The following PSMD1 variants were observed in gnomAD, a reference collection of about 807,000 sequenced individuals.
The protein encoded by PSMD1 is 26S proteasome non-ATPase regulatory subunit 1.
Under a neutral mutation model 119.0 loss-of-function variants are expected in PSMD1, and 18 were observed. The observed-to-expected ratio is 0.15, with a 90% CI of 0.10 to 0.22. PSMD1 has a LOEUF of 0.22. Among genes scored for constraint, PSMD1 ranks in the 10% least tolerant of loss-of-function variants. The probability of loss-of-function intolerance (pLI) is 1.00; values close to 1 mark genes in which losing one functional copy is unlikely to be tolerated. For missense variants in PSMD1, 702 were observed against 1,158.5 expected, an observed-to-expected ratio of 0.61 and a Z score of 5.72; for synonymous variants, 374 against 396.6, an observed-to-expected ratio of 0.94 and a Z score of 0.68.
At chr2:231,110,929 C>T (rs1053615387) in intron 16 of PSMD1, among the ~76,000 whole-genome samples, 6 of 152,230 alleles carry the variant, frequency 3.9e-5, no homozygotes, top group African/African-American at 1.4e-4. Context: ...TTGCTGACCC[C>T]TGCTTTACCC....
chr2:231,111,261 C>A (rs1293201788), intron 16 of PSMD1, among the ~76,000 whole-genome samples: 1 of 152,196 alleles, frequency 6.6e-6, no homozygotes, highest in Non-Finnish European at 1.5e-5. Flanking sequence ...AGATTATGAA[C>A]TCTAATACTT....
intron 18 of PSMD1, among the ~76,000 whole-genome samples, chr2:231,149,219 A>G (rs1696317624): frequency 6.6e-6 from 1 of 152,218 alleles, no homozygotes; most frequent in East Asian, 1.9e-4. Context: ...ATGCTCACAA[A>G]CATAAACCCA....
chr2:231,138,429 C>A (rs1308520154), intron 16 of PSMD1, among the ~76,000 whole-genome samples: 1 of 152,114 alleles, frequency 6.6e-6, no homozygotes. Context: ...CAGTGTGCTA[C>A]CCCCAACATG....
chr2:231,097,681 A>G (rs1201546147), intron 16 of PSMD1, among the ~76,000 whole-genome samples: 2 of 152,048 alleles, frequency 1.3e-5, no homozygotes, highest in African/African-American at 4.8e-5. Flanking sequence ...TCCTGCAGCT[A>G]TTTGATTTTG....
At position 231,056,897 on chromosome 2, in the gene PSMD1, G is replaced by A; in HGVS notation, c.-129G>A. ...GGCGAGAAGCGAGCCGGCGGCCTGA[G>A]GAGGCGACTGACTGAGCAGCGCACC... On this transcript the variant is annotated 5_prime_UTR_variant, in exon 1 of 25. Coordinates refer to ENST00000308696, the MANE Select transcript of PSMD1 (RefSeq NM_002807.4). The A allele has an allele frequency of 7.8e-7, 1 of 1,289,972 alleles. No individual in the cohort carries two copies. 79.9% of individuals were successfully genotyped at this position (1,289,972 alleles called of 1,614,324 possible). A position where few individuals can be genotyped will look rare whatever the true frequency, so the allele number is the denominator to read the frequency against.
chr2:231,147,150 C>A (rs1001426470), intron 18 of PSMD1, among the ~76,000 whole-genome samples: 2 of 152,202 alleles, frequency 1.3e-5, no homozygotes, highest in African/African-American at 4.8e-5. Flanking sequence ...CCACAATCCA[C>A]ACCCACCTTG....
intron 16 of PSMD1, among the ~76,000 whole-genome samples, chr2:231,124,482 A>G (rs1342727333): frequency 1.3e-5 from 2 of 152,024 alleles, no homozygotes; most frequent in Non-Finnish European, 2.9e-5. Context: ...GTCTAAATAA[A>G]TGTTTTACCA....
At chr2:231,121,885 A>C (rs906195480) in intron 16 of PSMD1, among the ~76,000 whole-genome samples, 5 of 152,186 alleles carry the variant, frequency 3.3e-5, no homozygotes. Flanking sequence ...CTGTGTGCCT[A>C]GCAAAGCACA....
intron 10 of PSMD1, 35 bp downstream of exon 10, chr2:231,078,782 A>T (rs1478599193): frequency 7.7e-7 from 1 of 1,297,204 alleles, no homozygotes; most frequent in African/African-American, 1.6e-5. Flanking sequence ...TTTGGTTCAA[A>T]ATCTTTTTCT....
chr2:231,065,928 C>T (rs1222231787), intron 4 of PSMD1, among the ~76,000 whole-genome samples: 1 of 152,194 alleles, frequency 6.6e-6, no homozygotes, highest in Non-Finnish European at 1.5e-5. Flanking sequence ...GCATAGACAA[C>T]AGATGTCCCA....
At chr2:231,081,875 G>A (rs142716094) in intron 12 of PSMD1, among the ~76,000 whole-genome samples, 2 of 152,132 alleles carry the variant, frequency 1.3e-5, no homozygotes, top group East Asian at 1.9e-4. Context: ...CTCTCACTCT[G>A]TACTGCCTCC....
chr2:231,078,563 T>A (rs1265937408), intron 9 of PSMD1, 96 bp from the exon 10 acceptor site: 1 of 776,456 alleles, frequency 1.3e-6, no homozygotes, highest in Non-Finnish European at 1.9e-6. Context: ...TTGTTCATGC[T>A]TTTACCACAA....
chr2:231,135,847 A>G (rs1432626746), intron 16 of PSMD1, among the ~76,000 whole-genome samples: 1 of 152,200 alleles, frequency 6.6e-6, no homozygotes, highest in Non-Finnish European at 1.5e-5. Context: ...CATACAAGGA[A>G]GTTTAGGCAA....
chr2:231,092,387 A>T (rs1574722358), intron 16 of PSMD1, among the ~76,000 whole-genome samples: 1 of 152,290 alleles, frequency 6.6e-6, no homozygotes, highest in East Asian at 1.9e-4. Context: ...TAAGGAAAAC[A>T]TATGGATGGG....
intron 23 of PSMD1, among the ~76,000 whole-genome samples, chr2:231,167,328 C>T (rs1171680627): frequency 6.6e-6 from 1 of 152,156 alleles, no homozygotes; most frequent in Non-Finnish European, 1.5e-5. Context: ...CTAGAGCATA[C>T]TCTAAGCACG....
chr2:231,101,852 C>G (rs111824168), intron 16 of PSMD1, among the ~76,000 whole-genome samples: 83 of 152,292 alleles, frequency 5.5e-4, no homozygotes, highest in African/African-American at 1.9e-3. Context: ...AGAGGGTCTT[C>G]CTCTGCTGCC....
chr2:231,083,562 G>T lies in PSMD1; in HGVS notation c.1526-5G>T, dbSNP rs1163079579. 1 of 1,613,998 alleles carries T rather than the reference G, an allele frequency of 6.2e-7. No homozygotes were observed. Among genetic ancestry groups the T allele is most frequent in the Non-Finnish European group, 8.5e-7 (1 of 1,179,992 alleles). On this transcript the variant is annotated splice_region_variant and splice_polypyrimidine_tract_variant and intron_variant, in intron 13 of 24. Coordinates refer to ENST00000308696, the MANE Select transcript of PSMD1 (RefSeq NM_002807.4). The stretch of plus-strand genomic sequence containing the variant: ...TCTGTTAACATTTTACTCGTTACTT[G>T]CCAGGGGAAGCAGCTGGCCTGGCCC...
At chr2:231,142,384 T>C (rs1426870854) in intron 17 of PSMD1, among the ~76,000 whole-genome samples, 1 of 152,184 alleles carries the variant, frequency 6.6e-6, no homozygotes. Context: ...TACTAAGTAT[T>C]TCCCCCCTCG....
intron 16 of PSMD1, chr2:231,108,688 A>T (rs527954308): frequency 1.7e-5 from 27 of 1,613,994 alleles, no homozygotes; most frequent in Non-Finnish European, 8.5e-7. Flanking sequence ...TGAAAAACTT[A>T]GAGTTCTCTG....
Sources: allele counts gnomAD v4.1 joint callset (sites outside exome capture counted in the v4.1 genomes callset), GRCh38; gene constraint gnomAD v4.1.1; transcripts MANE v1.5; gene names NCBI Gene and HGNC (gene_info 2026-07-23, HGNC 2026-07-21).